The following EFR3A variants were observed in gnomAD, a reference collection of about 807,000 sequenced individuals.
EFR3A encodes the protein protein EFR3 homolog A.
Under a neutral mutation model 104.4 loss-of-function variants are expected in EFR3A, and 76 were observed. The observed-to-expected ratio is 0.73, with a 90% CI of 0.60 to 0.88. The LOEUF (loss-of-function observed/expected upper bound fraction) is 0.88. EFR3A is among the 40% of genes least tolerant of loss of function. The pLI is 0.00. For missense variants in EFR3A, 985 were observed against 1,012.5 expected (o/e 0.97, Z 0.37); for synonymous variants, 330 against 330.0 (o/e 1.00, Z 0.00).
chr8:131,948,436 T>C (rs1195156992), intron 4 of EFR3A, among the ~76,000 whole-genome samples: 1 of 152,204 alleles, frequency 6.6e-6, no homozygotes, highest in Non-Finnish European at 1.5e-5. Context: ...GTAAGAGCGT[T>C]AAATAAACCC....
chr8:131,908,595 TAGAG>T (rs989876588), intron 1 of EFR3A, among the ~76,000 whole-genome samples: 2 of 152,158 alleles, frequency 1.3e-5, no homozygotes, highest in South Asian at 2.1e-4. Context: ...TTTTAGAAGA[TAGAG>T]AGATTGAAGT....
At chr8:131,938,032 T>C (rs1407430581) in intron 1 of EFR3A, among the ~76,000 whole-genome samples, 2 of 152,108 alleles carry the variant, frequency 1.3e-5, no homozygotes, top group Non-Finnish European at 2.9e-5. Flanking sequence ...TTGGCTTTGC[T>C]TGCAGAACTT....
Position 131,970,953 on chromosome 8 carries a change from G to C in EFR3A, c.1159+310G>C, listed in dbSNP as rs375535065. On this transcript the variant is annotated intron_variant, in intron 10 of 22. Transcript: ENST00000254624. ...TCTCTCTGTTTCTTTCTCTCCCTATGTGTGTCTCTTTGTGTGTGTATGTAT... is the reference window on the plus strand; with the variant it reads ...TCTCTCTGTTTCTTTCTCTCCCTATCTGTGTCTCTTTGTGTGTGTATGTAT... 1.8e-3 allele frequency among the ~76,000 whole-genome samples: 278 copies of C among 151,512 alleles called. 2 individuals are homozygous for C. Among genetic ancestry groups the C allele is most frequent in the African/African-American group, 6.5e-3 (270 of 41,228 alleles).
chr8:131,931,907 G>A (rs186665958), intron 1 of EFR3A, among the ~76,000 whole-genome samples: 96 of 151,962 alleles, frequency 6.3e-4, no homozygotes, highest in Non-Finnish European at 8.2e-4. Flanking sequence ...GTTCCAATAC[G>A]CAGGAGAATA....
chr8:131,965,263 A>G (rs1819636012), intron 8 of EFR3A, among the ~76,000 whole-genome samples: 1 of 152,200 alleles, frequency 6.6e-6, no homozygotes, highest in Non-Finnish European at 1.5e-5. Flanking sequence ...AGAAACTACC[A>G]TCAGAGTCAA....
chr8:131,965,331 A>T (rs1178106947), intron 8 of EFR3A, among the ~76,000 whole-genome samples: 2 of 152,222 alleles, frequency 1.3e-5, no homozygotes, highest in Non-Finnish European at 2.9e-5. Flanking sequence ...ACGAAGGGCT[A>T]ATATGCAGAC....
Position 131,996,561 on chromosome 8 carries a change from G to C in EFR3A, c.2157+64G>C. ...TAGACATCATTTAAAAGAATTTTTT[G>C]CCTTCCACACTTTCGAACAGGAGGA... On this transcript the variant is annotated intron_variant, in intron 19 of 22. Transcript: ENST00000254624. 7.6e-6 allele frequency: 8 copies of C among 1,054,036 alleles called. No homozygotes were observed. The South Asian group carries it at 1.4e-4, about 18-fold the overall frequency. The allele number at this position is 1,054,036 out of a possible 1,614,324, so 65.3% of individuals were successfully genotyped here. A position where few individuals can be genotyped will look rare whatever the true frequency, so the allele number is the denominator to read the frequency against.
At chr8:131,923,749 T>C (rs1013607877) in intron 1 of EFR3A, among the ~76,000 whole-genome samples, 5 of 152,046 alleles carry the variant, frequency 3.3e-5, no homozygotes, top group Admixed American at 3.3e-4. Flanking sequence ...TGAGTCACAA[T>C]CCCCTGCTTA....
At chr8:131,996,733 T>C (rs957111046) in intron 19 of EFR3A, among the ~76,000 whole-genome samples, 1 of 152,116 alleles carries the variant, frequency 6.6e-6, no homozygotes, top group Non-Finnish European at 1.5e-5. Context: ...TGTTATGATG[T>C]CAGATTTCAC....
At chr8:131,921,220 G>C (rs962968276) in intron 1 of EFR3A, among the ~76,000 whole-genome samples, 3 of 152,144 alleles carry the variant, frequency 2.0e-5, no homozygotes, top group Non-Finnish European at 4.4e-5. Flanking sequence ...GGTGTTGGCA[G>C]GGTGGGTTCT....
At chr8:131,982,555 A>T (rs982581603) in intron 14 of EFR3A, among the ~76,000 whole-genome samples, 1 of 152,182 alleles carries the variant, frequency 6.6e-6, no homozygotes, top group Non-Finnish European at 1.5e-5. Context: ...AGATAATGCC[A>T]TACCAATTTG....
intron 18 of EFR3A, 138 bp downstream of exon 18, chr8:131,987,840 T>G: frequency 1.1e-6 from 1 of 869,916 alleles, no homozygotes; most frequent in Non-Finnish European, 1.7e-6. Flanking sequence ...TGCTTAAGAG[T>G]ATTTACTTCT....
intron 8 of EFR3A, among the ~76,000 whole-genome samples, chr8:131,961,623 T>C (rs946018515): frequency 7.7e-4 from 117 of 152,306 alleles, no homozygotes; most frequent in African/African-American, 2.6e-3. Flanking sequence ...TGGAACCAAG[T>C]TGGAAAACAC....
At chr8:131,973,298 C>T (rs1054449518) in intron 10 of EFR3A, among the ~76,000 whole-genome samples, 7 of 151,650 alleles carry the variant, frequency 4.6e-5, no homozygotes, top group South Asian at 2.1e-4. Flanking sequence ...ACATTTATTT[C>T]GGTTATTTAT....
intron 18 of EFR3A, among the ~76,000 whole-genome samples, chr8:131,996,192 T>A (rs1464682936): frequency 2.0e-5 from 3 of 152,250 alleles, no homozygotes; most frequent in East Asian, 3.9e-4. Flanking sequence ...CCGATAACCT[T>A]ATTTCAGTTC....
chr8:132,004,641 A>T (rs1246104260), intron 22 of EFR3A, among the ~76,000 whole-genome samples: 1 of 152,194 alleles, frequency 6.6e-6, no homozygotes, highest in African/African-American at 2.4e-5. Flanking sequence ...TTGATGACTA[A>T]ATGTCAAACA....
At chr8:132,009,308 A>G (rs950244332) in intron 22 of EFR3A, among the ~76,000 whole-genome samples, 1 of 152,096 alleles carries the variant, frequency 6.6e-6, no homozygotes, top group African/African-American at 2.4e-5. Flanking sequence ...TTGAATAGGA[A>G]GTTAACATAG....
intron 22 of EFR3A, among the ~76,000 whole-genome samples, chr8:132,005,775 C>A (rs1822011698): frequency 6.6e-6 from 1 of 152,102 alleles, no homozygotes; most frequent in Non-Finnish European, 1.5e-5. Flanking sequence ...ATTTAAGTGG[C>A]CTTTAGAAAA....
intron 22 of EFR3A, 40 bp downstream of exon 22, chr8:132,003,325 A>G (rs71526230): frequency 2.6e-6 from 4 of 1,529,742 alleles, no homozygotes; most frequent in South Asian, 1.2e-5. Flanking sequence ...ACACACACAC[A>G]CGAATAGAAA....
Sources: gnomAD v4.1 joint callset for allele counts (sites outside exome capture counted in the v4.1 genomes callset) on GRCh38, gnomAD v4.1.1 for gene constraint, MANE v1.5 for transcripts, NCBI Gene and HGNC (gene_info 2026-07-23, HGNC 2026-07-21) for gene names.